Variants in SND1 observed in about 807,000 individuals in gnomAD.
SND1 encodes the protein staphylococcal nuclease domain-containing protein 1.
SND1 carries 38 observed loss-of-function variants against 121.7 expected under a neutral mutation model. That is an observed-to-expected ratio of 0.31 (90% CI 0.24 to 0.41). The LOEUF (loss-of-function observed/expected upper bound fraction) is 0.41. SND1 is among the 10% of genes least tolerant of loss of function. SND1 has a pLI of 1.00. For synonymous variants in SND1, 401 were observed against 447.4 expected (o/e 0.90, Z 1.31); for missense variants, 868 against 1,184.6 (o/e 0.73, Z 3.92).
intron 10 of SND1, among the ~76,000 whole-genome samples, chr7:127,728,657 A>G (rs1249526420): frequency 1.3e-5 from 2 of 152,262 alleles, no homozygotes; most frequent in African/African-American, 2.4e-5. Context: ...AAGGCCAGGA[A>G]TGGCAGGGTC....
intron 14 of SND1, among the ~76,000 whole-genome samples, chr7:127,925,603 GTTTC>G (rs1800812885): frequency 6.7e-6 from 1 of 149,064 alleles, no homozygotes; most frequent in African/African-American, 2.5e-5. Flanking sequence ...GGTTGTGGGT[GTTTC>G]TTTTTTTTTT....
intron 15 of SND1, among the ~76,000 whole-genome samples, chr7:127,969,805 G>T (rs1490905780): frequency 1.3e-5 from 2 of 152,164 alleles, no homozygotes; most frequent in East Asian, 3.9e-4. Context: ...GCACTTTACT[G>T]TATTCATTTC....
At chr7:127,958,151 A>G (rs984614426) in intron 15 of SND1, among the ~76,000 whole-genome samples, 1 of 152,254 alleles carries the variant, frequency 6.6e-6, no homozygotes, top group Non-Finnish European at 1.5e-5. Context: ...GCTAAGTAGT[A>G]TAGGGCCAAC....
rs34784173 is a variant in SND1 at position 127,920,858 on chromosome 7, C to CAAA, written c.1528-8316_1528-8314dup. Among the ~76,000 whole-genome samples the CAAA allele has an allele frequency of 1.3e-3, 158 of 120,400 alleles. 3 individuals carry two copies. The highest frequency in any genetic ancestry group is 4.6e-3 in the African/African-American group (130 of 28,142). The allele number at this position is 120,400 out of a possible 152,430, so 79.0% of individuals were successfully genotyped here. A position where few individuals can be genotyped will look rare whatever the true frequency, so the allele number is the denominator to read the frequency against. ...ACTTTCTGTGCCTAACTTATCTTAA[C>CAAA]AAAAAAAAAAAAAAAAGCATTCTCT... On this transcript the variant is annotated intron_variant, in intron 14 of 23. Coordinates refer to ENST00000354725, the MANE Select transcript of SND1 (RefSeq NM_014390.4).
chr7:127,658,499 G>T (rs988280330), intron 1 of SND1, among the ~76,000 whole-genome samples: 16 of 152,140 alleles, frequency 1.1e-4, no homozygotes, highest in Non-Finnish European at 7.4e-5. Flanking sequence ...GGCTTTATAA[G>T]AGCTAAATAG....
At chr7:127,949,932 C>A (rs1801422730) in intron 15 of SND1, among the ~76,000 whole-genome samples, 1 of 152,204 alleles carries the variant, frequency 6.6e-6, no homozygotes, top group Non-Finnish European at 1.5e-5. Flanking sequence ...CCACTCCCTT[C>A]CCTCTCAGTT....
intron 16 of SND1, chr7:128,032,205 C>CGCCGGCGCCTTCCAGCGCCGCGCCG (rs1472981829): frequency 6.6e-6 from 1 of 151,812 alleles, no homozygotes; most frequent in Non-Finnish European, 1.5e-5. Flanking sequence ...GCGGGGTTAA[C>CGCCGGCGCCTTCCAGCGCCGCGCCG]GCCGGCGCCT....
chr7:127,985,183 A>G (rs1268704280), intron 15 of SND1, among the ~76,000 whole-genome samples: 3 of 152,198 alleles, frequency 2.0e-5, no homozygotes, highest in Non-Finnish European at 4.4e-5. Flanking sequence ...CATGTGCTAA[A>G]AAGCATAGCT....
At chr7:127,843,196 C>T (rs1414470537) in intron 11 of SND1, among the ~76,000 whole-genome samples, 2 of 152,108 alleles carry the variant, frequency 1.3e-5, no homozygotes, top group Non-Finnish European at 2.9e-5. Context: ...CAATCTTCCA[C>T]ACCAGAGTGG....
intron 17 of SND1, among the ~76,000 whole-genome samples, chr7:128,079,385 C>T (rs897167006): frequency 1.3e-5 from 2 of 152,276 alleles, no homozygotes; most frequent in South Asian, 4.1e-4. Context: ...GCCTCCTCCC[C>T]TCTGGCCAGC....
chr7:127,751,145 G>C (rs951388176), intron 10 of SND1, among the ~76,000 whole-genome samples: 4 of 150,112 alleles, frequency 2.7e-5, no homozygotes, highest in Non-Finnish European at 5.9e-5. Flanking sequence ...TCCATGGTAG[G>C]GTGTGTGTGT....
chr7:127,953,168 G>A (rs1801503315), intron 15 of SND1, among the ~76,000 whole-genome samples: 1 of 59,768 alleles, frequency 1.7e-5, no homozygotes, highest in Non-Finnish European at 3.2e-5. Context: ...GTGTGTGTGT[G>A]TGTGTGTGTG....
intron 10 of SND1, among the ~76,000 whole-genome samples, chr7:127,748,177 C>T (rs960643548): frequency 6.6e-6 from 1 of 152,186 alleles, no homozygotes; most frequent in African/African-American, 2.4e-5. Context: ...TCCACTGTGC[C>T]TGTGATTCTT....
chr7:127,859,629 G>A (rs918022148), intron 12 of SND1, among the ~76,000 whole-genome samples: 1 of 152,058 alleles, frequency 6.6e-6, no homozygotes, highest in Non-Finnish European at 1.5e-5. Flanking sequence ...TTTCTGTCTG[G>A]GTAGTTTTTC....
chr7:127,687,562 CAT>C (rs1177917074), intron 2 of SND1, among the ~76,000 whole-genome samples: 1 of 152,322 alleles, frequency 6.6e-6, no homozygotes, highest in East Asian at 1.9e-4. Flanking sequence ...AAAGTTAGAA[CAT>C]GTGATATTTG....
chr7:127,833,763 C>T (rs562901505), intron 11 of SND1, among the ~76,000 whole-genome samples: 9 of 152,208 alleles, frequency 5.9e-5, no homozygotes, highest in Non-Finnish European at 1.0e-4. Context: ...AATTCAGTGA[C>T]ATTAAGCACA....
chr7:127,686,942 CTTT>C (rs1277608726), intron 2 of SND1, 180 bp downstream of exon 2: 4 of 609,326 alleles, frequency 6.6e-6, no homozygotes, highest in Non-Finnish European at 1.1e-5. Context: ...TGTTTACTAC[CTTT>C]AGTGGCAGTT....
At chr7:127,758,609 G>A (rs1797241735) in intron 10 of SND1, among the ~76,000 whole-genome samples, 1 of 152,060 alleles carries the variant, frequency 6.6e-6, no homozygotes, top group African/African-American at 2.4e-5. Context: ...TTTGATTTCA[G>A]CATTTACTAC....
intron 10 of SND1, among the ~76,000 whole-genome samples, chr7:127,767,045 G>C (rs1797435132): frequency 6.6e-6 from 1 of 152,058 alleles, no homozygotes; most frequent in African/African-American, 2.4e-5. Flanking sequence ...GTGTGTGTTA[G>C]ATGGGAAGAG....
Sources: gnomAD v4.1 joint callset for allele counts (sites outside exome capture counted in the v4.1 genomes callset) on GRCh38, gnomAD v4.1.1 for gene constraint, MANE v1.5 for transcripts, NCBI Gene and HGNC (gene_info 2026-07-23, HGNC 2026-07-21) for gene names.